STK32B: variants seen among roughly 807,000 people sequenced by gnomAD.
The protein encoded by STK32B is serine/threonine kinase 32B.
In STK32B, 43 loss-of-function variants were observed where a neutral mutation model predicts 52.6. The observed-to-expected ratio is 0.82, with a 90% CI of 0.64 to 1.05. The LOEUF is 1.05. Ranked by LOEUF, STK32B falls within the 50% of genes least tolerant of loss-of-function variation. The pLI is 0.00. For synonymous variants in STK32B, 238 were observed against 204.3 expected (o/e 1.17, Z -1.41); for missense variants, 621 against 534.6 (o/e 1.16, Z -1.59).
chr4:5,479,908 A>G (rs955567449), intron 11 of STK32B, among the ~76,000 whole-genome samples: 1 of 152,126 alleles, frequency 6.6e-6, no homozygotes, highest in Non-Finnish European at 1.5e-5. Flanking sequence ...TAAATGGCTA[A>G]AAGCACACAC....
At chr4:5,213,697 T>C (rs546746405) in intron 3 of STK32B, among the ~76,000 whole-genome samples, 100 of 152,354 alleles carry the variant, frequency 6.6e-4, no homozygotes, top group African/African-American at 2.3e-3. Flanking sequence ...TCTTGTCTCA[T>C]TTCTGATTGC....
At chr4:5,032,476 C>CAAAAAAAAAAAAAAAAAAAAAAAAAAAA in the STK32B span, among the ~76,000 whole-genome samples, 1 of 49,696 alleles carries the variant, frequency 2.0e-5, no homozygotes, top group African/African-American at 8.2e-5. Context: ...GACTCCATCT[C>CAAAAAAAAAAAAAAAAAAAAAAAAAAAA]AAAAAAAAAA....
At chr4:5,384,037 C>G (rs140979263) in intron 4 of STK32B, among the ~76,000 whole-genome samples, 52 of 152,220 alleles carry the variant, frequency 3.4e-4, no homozygotes, top group African/African-American at 1.1e-3. Context: ...CTGTGCACAT[C>G]TAGGGAATGG....
chr4:5,193,455 CTCTG>C (rs992842942), intron 3 of STK32B, among the ~76,000 whole-genome samples: 6 of 152,234 alleles, frequency 3.9e-5, no homozygotes, highest in Non-Finnish European at 7.3e-5. Flanking sequence ...TTCAACCTAT[CTCTG>C]TCTGACTCCA....
intron 1 of STK32B, among the ~76,000 whole-genome samples, chr4:5,130,097 CG>C (rs1387744465): frequency 6.6e-6 from 1 of 151,356 alleles, no homozygotes; most frequent in Non-Finnish European, 1.5e-5. Flanking sequence ...ACAAAAGAAA[CG>C]GCAGTGAGGT....
intron 3 of STK32B, among the ~76,000 whole-genome samples, chr4:5,310,771 C>G (rs1428539421): frequency 6.6e-6 from 1 of 152,052 alleles, no homozygotes; most frequent in African/African-American, 2.4e-5. Context: ...TCATAATAGC[C>G]AAGATATGGC....
At chr4:5,130,169 G>GGGGGGA (rs1482060076) in intron 1 of STK32B, among the ~76,000 whole-genome samples, 3 of 143,118 alleles carry the variant, frequency 2.1e-5, no homozygotes, top group African/African-American at 8.4e-5. Context: ...CACCTTCTCC[G>GGGGGGA]GCGGGGGGAG....
intron 6 of STK32B, chr4:5,436,616 C>T (rs1189313171): frequency 1.0e-6 from 1 of 985,276 alleles, no homozygotes; most frequent in East Asian, 1.1e-4. Context: ...GGAAAACAAG[C>T]ATCAGAACAT....
At chr4:5,354,784 T>A (rs1160255994) in intron 4 of STK32B, among the ~76,000 whole-genome samples, 1 of 152,158 alleles carries the variant, frequency 6.6e-6, no homozygotes, top group Non-Finnish European at 1.5e-5. Context: ...TCTATGCACA[T>A]TAAAAAATTG....
At chr4:5,024,660 G>A in the STK32B span, among the ~76,000 whole-genome samples, 1 of 152,150 alleles carries the variant, frequency 6.6e-6, no homozygotes, top group African/African-American at 2.4e-5. Context: ...TGACATTTAA[G>A]GGCAGGTGGG....
intron 1 of STK32B, among the ~76,000 whole-genome samples, chr4:5,066,628 A>G (rs1742435451): frequency 6.6e-6 from 1 of 152,216 alleles, no homozygotes; most frequent in African/African-American, 2.4e-5. Context: ...TAGTCACTGC[A>G]CTTAAAGTTT....
intron 9 of STK32B, among the ~76,000 whole-genome samples, chr4:5,464,363 C>A (rs906331065): frequency 6.6e-6 from 1 of 152,224 alleles, no homozygotes; most frequent in African/African-American, 2.4e-5. Flanking sequence ...GCCACCACCT[C>A]CCTGCACAGA....
chr4:5,274,005 CA>C (rs571304738), intron 3 of STK32B, among the ~76,000 whole-genome samples: 1 of 151,266 alleles, frequency 6.6e-6, no homozygotes, highest in African/African-American at 2.4e-5. Context: ...AAAAAAGAAA[CA>C]AAAAAACAAA....
chr4:5,351,917 G>T (rs7656499), intron 4 of STK32B, among the ~76,000 whole-genome samples: 5,318 of 152,052 alleles, frequency 0.035, 133 homozygotes, highest in African/African-American at 0.063. Flanking sequence ...TGGAAAACCT[G>T]GGCAGACCAA....
At chr4:5,234,441 G>A (rs1241506471) in intron 3 of STK32B, among the ~76,000 whole-genome samples, 2 of 152,162 alleles carry the variant, frequency 1.3e-5, no homozygotes, top group Non-Finnish European at 2.9e-5. Context: ...ACCTTCATGA[G>A]GATGGAGACT....
At chr4:5,226,923 A>G (rs77466414) in intron 3 of STK32B, among the ~76,000 whole-genome samples, 3,934 of 152,314 alleles carry the variant, frequency 0.026, 174 homozygotes, top group African/African-American at 0.089. Flanking sequence ...AACAGAAGTA[A>G]CATTTTAACC....
At position 5,116,972 on chromosome 4, in the gene STK32B, C is replaced by G. The variant is rs562280847; in HGVS notation, c.53-22933C>G. On this transcript the variant is annotated intron_variant, in intron 1 of 11. Coordinates refer to ENST00000282908, the MANE Select transcript of STK32B (RefSeq NM_018401.3). Reference sequence around the variant, plus strand: ...TCCTTGTTAGTGTGTAGAAAAACAACTGATTTTTGCATGTTGAGTTTGTAT... The same window carrying G: ...TCCTTGTTAGTGTGTAGAAAAACAAGTGATTTTTGCATGTTGAGTTTGTAT... Among the ~76,000 whole-genome samples the G allele has an allele frequency of 9.2e-5, 14 of 152,232 alleles. No individual in the cohort carries two copies. The South Asian group carries it at 2.7e-3, about 29-fold the overall frequency.
chr4:5,324,104 A>G (rs923107923), intron 3 of STK32B, among the ~76,000 whole-genome samples: 3 of 152,246 alleles, frequency 2.0e-5, no homozygotes, highest in Non-Finnish European at 4.4e-5. Flanking sequence ...CTGTAATCCT[A>G]GCACTTTGGG....
intron 5 of STK32B, among the ~76,000 whole-genome samples, chr4:5,406,537 G>A (rs1737687251): frequency 6.6e-6 from 1 of 152,172 alleles, no homozygotes; most frequent in Admixed American, 6.5e-5. Context: ...TGGACATCCA[G>A]ACATTTCCAT....
Sources: allele counts gnomAD v4.1 joint callset (sites outside exome capture counted in the v4.1 genomes callset), GRCh38; gene constraint gnomAD v4.1.1; transcripts MANE v1.5; gene names NCBI Gene and HGNC (gene_info 2026-07-23, HGNC 2026-07-21).